NKAIN3: variants seen among roughly 807,000 people sequenced by gnomAD.
NKAIN3 encodes sodium/potassium-transporting ATPase subunit beta-1-interacting protein 3.
In NKAIN3, 25 loss-of-function variants were observed where a neutral mutation model predicts 30.2. That is an observed-to-expected ratio of 0.83 (90% CI 0.60 to 1.16). The LOEUF (loss-of-function observed/expected upper bound fraction) is 1.16. Ranked by LOEUF, NKAIN3 falls within the 50% of genes most tolerant of loss-of-function variation. NKAIN3 has a pLI of 0.00. For synonymous variants in NKAIN3, 91 were observed against 89.6 expected (o/e 1.02, Z -0.09); for missense variants, 225 against 254.1 (o/e 0.89, Z 0.78).
At chr8:62,572,562 A>G (rs1809977605) in intron 1 of NKAIN3, among the ~76,000 whole-genome samples, 1 of 152,200 alleles carries the variant, frequency 6.6e-6, no homozygotes, top group Non-Finnish European at 1.5e-5. Flanking sequence ...CACTGCTGAT[A>G]AAGACATATG....
chr8:62,371,012 A>G (rs1208328667), intron 1 of NKAIN3, among the ~76,000 whole-genome samples: 2 of 151,972 alleles, frequency 1.3e-5, no homozygotes, highest in African/African-American at 2.4e-5. Flanking sequence ...GCAGATAAAC[A>G]TGGTATATCG....
chr8:62,626,518 G>A lies in NKAIN3; in HGVS notation c.273+36724G>A, dbSNP rs565049829. Among the ~76,000 whole-genome samples the A allele has an allele frequency of 7.9e-5, 12 of 152,182 alleles. No homozygotes were observed. The South Asian group carries it at 2.5e-3, about 32-fold the overall frequency. Reference sequence around the variant, plus strand: ...AAGTCCTATTCAGCACTAAACTGCAGTATTTCCCAGGGTGGAGGAAGGAGA... The same window carrying A: ...AAGTCCTATTCAGCACTAAACTGCAATATTTCCCAGGGTGGAGGAAGGAGA... On this transcript the variant is annotated intron_variant, in intron 3 of 6. Coordinates refer to ENST00000623646, the MANE Select transcript of NKAIN3 (RefSeq NM_001304533.3).
At chr8:62,657,708 A>G (rs866625465) in intron 3 of NKAIN3, among the ~76,000 whole-genome samples, 44 of 152,310 alleles carry the variant, frequency 2.9e-4, no homozygotes, top group African/African-American at 1.1e-3. Flanking sequence ...CGATGGTGCC[A>G]ACTATTGGTG....
At chr8:62,877,811 C>A (rs1037835540) in intron 4 of NKAIN3, among the ~76,000 whole-genome samples, 1 of 152,048 alleles carries the variant, frequency 6.6e-6, no homozygotes, top group African/African-American at 2.4e-5. Flanking sequence ...GAGGCTGAGG[C>A]GGGCAGATCA....
chr8:62,743,856 T>C (rs1446396658), intron 3 of NKAIN3, among the ~76,000 whole-genome samples: 1 of 152,240 alleles, frequency 6.6e-6, no homozygotes, highest in African/African-American at 2.4e-5. Context: ...GGCTTCTCTG[T>C]GTGGCATTTC....
At chr8:62,492,429 T>G (rs1585867951) in intron 1 of NKAIN3, among the ~76,000 whole-genome samples, 1 of 152,142 alleles carries the variant, frequency 6.6e-6, no homozygotes, top group Admixed American at 6.6e-5. Context: ...TTGGTCCTAA[T>G]TTTCTTCTTA....
At chr8:62,887,810 T>TA (rs1821193253) in intron 4 of NKAIN3, among the ~76,000 whole-genome samples, 1 of 152,216 alleles carries the variant, frequency 6.6e-6, no homozygotes, top group Non-Finnish European at 1.5e-5. Flanking sequence ...TTAAACCCCT[T>TA]AGCATATTAA....
intron 5 of NKAIN3, among the ~76,000 whole-genome samples, chr8:62,934,190 G>C (rs1822710685): frequency 6.6e-6 from 1 of 152,044 alleles, no homozygotes; most frequent in South Asian, 2.1e-4. Context: ...CTTGAGACCA[G>C]TCTGGGCGAC....
intron 1 of NKAIN3, among the ~76,000 whole-genome samples, chr8:62,535,506 C>T (rs528555738): frequency 1.3e-5 from 2 of 152,136 alleles, no homozygotes; most frequent in Admixed American, 6.6e-5. Context: ...TTCTGACCAC[C>T]GGGCTTCAAG....
intron 1 of NKAIN3, among the ~76,000 whole-genome samples, chr8:62,541,784 A>G (rs1048557642): frequency 1.3e-5 from 2 of 151,840 alleles, no homozygotes; most frequent in Non-Finnish European, 1.5e-5. Context: ...TATAAAGGTA[A>G]TCTCTTATTT....
chr8:62,842,944 T>C (rs977759035), intron 4 of NKAIN3, among the ~76,000 whole-genome samples: 2 of 152,022 alleles, frequency 1.3e-5, no homozygotes, highest in Non-Finnish European at 2.9e-5. Context: ...TGGACAAGGA[T>C]TTTTTTAGAT....
At chr8:62,871,923 A>T (rs915736603) in intron 4 of NKAIN3, among the ~76,000 whole-genome samples, 1 of 152,264 alleles carries the variant, frequency 6.6e-6, no homozygotes, top group Non-Finnish European at 1.5e-5. Flanking sequence ...TGGAATCCAC[A>T]TAGGAATTTG....
chr8:62,433,028 A>G (rs1805064017), intron 1 of NKAIN3, among the ~76,000 whole-genome samples: 2 of 152,176 alleles, frequency 1.3e-5, no homozygotes, highest in African/African-American at 2.4e-5. Flanking sequence ...CCCAAAAGGG[A>G]TAATCTTTAA....
intron 5 of NKAIN3, among the ~76,000 whole-genome samples, chr8:62,941,795 C>T (rs959544284): frequency 2.6e-5 from 4 of 152,132 alleles, no homozygotes; most frequent in African/African-American, 9.7e-5. Context: ...GACAAACCCA[C>T]AGCCAACACT....
Position 62,971,613 on chromosome 8 carries a change from A to G in NKAIN3, c.*6206A>G, listed in dbSNP as rs995173305. ...ATGCCACTGCACTCCAACCTGGGAG[A>G]TGGAGCCAAACCTTGTCTCAAAAAA... is the stretch of plus-strand genomic sequence containing the variant. On this transcript the variant is annotated 3_prime_UTR_variant, in exon 7 of 7. Coordinates refer to ENST00000623646, the MANE Select transcript of NKAIN3 (RefSeq NM_001304533.3). Among the ~76,000 whole-genome samples, 3 of 146,984 alleles carry G rather than the reference A, an allele frequency of 2.0e-5. No individual in the cohort carries two copies. The highest frequency in any genetic ancestry group is 2.5e-5 in the African/African-American group (1 of 40,326).
At chr8:62,904,723 T>C (rs922979416) in intron 4 of NKAIN3, among the ~76,000 whole-genome samples, 2 of 152,254 alleles carry the variant, frequency 1.3e-5, no homozygotes, top group Admixed American at 6.5e-5. Context: ...TCTCATTTAT[T>C]CATTCAGAAG....
At chr8:62,456,162 C>G in intron 1 of NKAIN3, among the ~76,000 whole-genome samples, 1 of 152,082 alleles carries the variant, frequency 6.6e-6, no homozygotes, top group East Asian at 1.9e-4. Flanking sequence ...CAGTTGGCCA[C>G]GAGTAACTAA....
chr8:62,329,493 C>T (rs550461916), intron 1 of NKAIN3, among the ~76,000 whole-genome samples: 1 of 152,060 alleles, frequency 6.6e-6, no homozygotes, highest in Non-Finnish European at 1.5e-5. Flanking sequence ...ACATTCCGCT[C>T]CTTTTCTCCT....
At chr8:62,684,424 G>A (rs1475405001) in intron 3 of NKAIN3, among the ~76,000 whole-genome samples, 3 of 152,158 alleles carry the variant, frequency 2.0e-5, no homozygotes, top group South Asian at 2.1e-4. Context: ...CTGACAAAGC[G>A]GTATCTCTTC....
Sources: gnomAD v4.1 joint callset for allele counts (sites outside exome capture counted in the v4.1 genomes callset) on GRCh38, gnomAD v4.1.1 for gene constraint, MANE v1.5 for transcripts, NCBI Gene and HGNC (gene_info 2026-07-23, HGNC 2026-07-21) for gene names.